Variants in ARHGAP18 observed in about 807,000 individuals in gnomAD.
ARHGAP18 encodes the protein Rho GTPase activating protein 18.
ARHGAP18 carries 67 observed loss-of-function variants against 86.2 expected under a neutral mutation model. The ratio of observed to expected loss-of-function variants is 0.78; its 90% CI spans 0.64 to 0.95. The LOEUF (loss-of-function observed/expected upper bound fraction) is 0.95. Among genes scored for constraint, ARHGAP18 ranks in the 40% least tolerant of loss-of-function variants. The probability of loss-of-function intolerance (pLI) is 0.00; values close to 1 mark genes in which losing one functional copy is unlikely to be tolerated. For synonymous variants in ARHGAP18, 283 were observed against 280.4 expected, an observed-to-expected ratio of 1.01 and a Z score of -0.09; for missense variants, 691 against 780.4, an observed-to-expected ratio of 0.89 and a Z score of 1.37.
chr6:129,670,659 A>T (rs1237120438), intron 1 of ARHGAP18, among the ~76,000 whole-genome samples: 1 of 151,402 alleles, frequency 6.6e-6, no homozygotes, highest in Non-Finnish European at 1.5e-5. Flanking sequence ...ACTCATTCAG[A>T]TTCACCAAAA....
intron 1 of ARHGAP18, among the ~76,000 whole-genome samples, chr6:129,702,632 C>T (rs1429302732): frequency 5.3e-5 from 8 of 152,148 alleles, no homozygotes; most frequent in Non-Finnish European, 1.0e-4. Context: ...CCACAGCCTA[C>T]AGGCCTCATC....
intron 12 of ARHGAP18, among the ~76,000 whole-genome samples, chr6:129,584,338 T>G (rs1029831590): frequency 6.6e-6 from 1 of 152,220 alleles, no homozygotes; most frequent in African/African-American, 2.4e-5. Context: ...TTAATTATTT[T>G]TAAAGATGTA....
intron 12 of ARHGAP18, among the ~76,000 whole-genome samples, chr6:129,593,060 C>A (rs1788549054): frequency 6.6e-6 from 1 of 152,148 alleles, no homozygotes; most frequent in African/African-American, 2.4e-5. Context: ...GGGAATTACC[C>A]TTCCAGCTTT....
chr6:129,605,750 G>T, intron 10 of ARHGAP18, 127 bp downstream of exon 10: 1 of 803,300 alleles, frequency 1.2e-6, no homozygotes, highest in South Asian at 1.7e-5. Context: ...GTCCTTAAAA[G>T]TAGGCTTTTT....
chr6:129,647,577 A>G (rs1773606387), intron 1 of ARHGAP18, among the ~76,000 whole-genome samples: 1 of 152,034 alleles, frequency 6.6e-6, no homozygotes, highest in South Asian at 2.1e-4. Flanking sequence ...TTTTATTTCC[A>G]TGCAGGACAA....
intron 1 of ARHGAP18, among the ~76,000 whole-genome samples, chr6:129,686,764 A>T (rs1774430618): frequency 6.7e-6 from 1 of 148,674 alleles, no homozygotes; most frequent in African/African-American, 2.5e-5. Flanking sequence ...GTCATCTTTC[A>T]CTGAATTCCC....
intron 12 of ARHGAP18, among the ~76,000 whole-genome samples, chr6:129,586,139 G>C (rs1229118719): frequency 2.0e-5 from 3 of 152,084 alleles, no homozygotes; most frequent in Non-Finnish European, 2.9e-5. Context: ...CTTCTCCCTT[G>C]GGTTTGAACT....
At chr6:129,612,294 G>A (rs960655163) in intron 7 of ARHGAP18, among the ~76,000 whole-genome samples, 2 of 152,174 alleles carry the variant, frequency 1.3e-5, no homozygotes, top group African/African-American at 4.8e-5. Flanking sequence ...TCTTGATAAC[G>A]TGATCTTCTT....
intron 1 of ARHGAP18, among the ~76,000 whole-genome samples, chr6:129,673,531 TC>T (rs1161282017): frequency 6.6e-6 from 1 of 152,208 alleles, no homozygotes; most frequent in Admixed American, 6.5e-5. Flanking sequence ...TAACTATTAG[TC>T]AACAATGATT....
intron 1 of ARHGAP18, among the ~76,000 whole-genome samples, chr6:129,676,913 CTCTTTTT>C (rs1774243939): frequency 2.6e-4 from 9 of 34,590 alleles, no homozygotes; most frequent in African/African-American, 6.8e-4. Flanking sequence ...ATTTTTTGTC[CTCTTTTT>C]TTTTTTTTTT....
chr6:129,607,809 T>C (rs1266558358), intron 9 of ARHGAP18, 84 bp downstream of exon 9: 1 of 1,408,676 alleles, frequency 7.1e-7, no homozygotes. Context: ...TCTGGTTGCG[T>C]TCTTTGTGAT....
chr6:129,622,040 G>A (rs541110795), intron 5 of ARHGAP18, among the ~76,000 whole-genome samples: 1 of 152,280 alleles, frequency 6.6e-6, no homozygotes, highest in East Asian at 1.9e-4. Context: ...CCCTCAAGGA[G>A]AGGAGCCACT....
At chr6:129,581,949 T>A (rs1041320067) in intron 13 of ARHGAP18, among the ~76,000 whole-genome samples, 3 of 152,172 alleles carry the variant, frequency 2.0e-5, no homozygotes, top group African/African-American at 7.2e-5. Context: ...GATGCTATTC[T>A]GGTCCATTCT....
intron 12 of ARHGAP18, among the ~76,000 whole-genome samples, chr6:129,591,122 T>A (rs1461027328): frequency 6.6e-6 from 1 of 152,168 alleles, no homozygotes; most frequent in Non-Finnish European, 1.5e-5. Context: ...CACTATTAAG[T>A]ACTAGAATCA....
At chr6:129,702,774 T>C (rs1266435453) in intron 1 of ARHGAP18, among the ~76,000 whole-genome samples, 2 of 151,658 alleles carry the variant, frequency 1.3e-5, no homozygotes, top group African/African-American at 4.8e-5. Flanking sequence ...CCTAGGCGGG[T>C]GGATCACCTG....
intron 10 of ARHGAP18, among the ~76,000 whole-genome samples, chr6:129,603,980 G>A (rs893457384): frequency 2.0e-5 from 3 of 152,122 alleles, no homozygotes; most frequent in African/African-American, 4.8e-5. Context: ...GGAATTTTGC[G>A]TTAGACTTCC....
At chr6:129,705,321 T>C (rs1179440954) in intron 1 of ARHGAP18, among the ~76,000 whole-genome samples, 2 of 152,162 alleles carry the variant, frequency 1.3e-5, no homozygotes, top group Non-Finnish European at 2.9e-5. Context: ...TGGGCAGTAG[T>C]AGTTCTTAAA....
chr6:129,672,555 A>C (rs12195164), intron 1 of ARHGAP18, among the ~76,000 whole-genome samples: 16,284 of 152,252 alleles, frequency 0.11, 1,144 homozygotes, highest in African/African-American at 0.2. Flanking sequence ...ACAGGCTTGC[A>C]ATACTTCCTA....
chr6:129,598,636 A>T (rs1788667743), intron 12 of ARHGAP18, among the ~76,000 whole-genome samples: 1 of 152,172 alleles, frequency 6.6e-6, no homozygotes, highest in Admixed American at 6.6e-5. Context: ...ATAAATACAG[A>T]TATTTAGGTA....
Sources: gnomAD v4.1 joint callset for allele counts (sites outside exome capture counted in the v4.1 genomes callset) on GRCh38, gnomAD v4.1.1 for gene constraint, MANE v1.5 for transcripts, NCBI Gene and HGNC (gene_info 2026-07-23, HGNC 2026-07-21) for gene names.